AFF2: variants seen among roughly 807,000 people sequenced by gnomAD.
The protein encoded by AFF2 is AF4/FMR2 family member 2.
AFF2 carries 14 observed loss-of-function variants against 76.9 expected under a neutral mutation model. That is an observed-to-expected ratio of 0.18 (90% CI 0.12 to 0.28). The LOEUF is 0.28. AFF2 is among the 10% of genes least tolerant of loss of function. The pLI is 1.00. For missense variants in AFF2, 868 were observed against 1,001.1 expected (o/e 0.87, Z 1.79); for synonymous variants, 398 against 366.7 (o/e 1.09, Z -0.98).
intron 3 of AFF2, among the ~76,000 whole-genome samples, chrX:148,723,918 T>C (rs1301933574): frequency 9.6e-6 from 1 of 104,325 alleles, no homozygotes; most frequent in African/African-American, 3.5e-5. Flanking sequence ...TTTTCTTTTT[T>C]CTTTTTTTTT....
At chrX:148,850,322 C>A (rs181018908) in intron 7 of AFF2, among the ~76,000 whole-genome samples, 108 of 111,964 alleles carry the variant, frequency 9.6e-4, no homozygotes, top group Middle Eastern at 4.6e-3. Flanking sequence ...GGCTTTATAT[C>A]CTCATGGTGA....
intron 9 of AFF2, among the ~76,000 whole-genome samples, chrX:148,933,258 C>T: frequency 8.9e-6 from 1 of 111,912 alleles, no homozygotes; most frequent in Non-Finnish European, 1.9e-5. Flanking sequence ...TCAGCTGAAG[C>T]AGAGTAAGCA....
intron 1 of AFF2, among the ~76,000 whole-genome samples, chrX:148,647,918 T>C (rs1557255724): frequency 8.9e-6 from 1 of 111,835 alleles, no homozygotes; most frequent in African/African-American, 3.3e-5. Flanking sequence ...TGTGCGCTAA[T>C]GAAGACGGCA....
intron 1 of AFF2, among the ~76,000 whole-genome samples, chrX:148,502,472 T>A (rs1344201008): frequency 8.9e-6 from 1 of 112,718 alleles, no homozygotes; most frequent in African/African-American, 3.2e-5. Context: ...TTACAGCAAT[T>A]CCGGATAAAT....
At chrX:148,894,902 T>G (rs1028709521) in intron 8 of AFF2, among the ~76,000 whole-genome samples, 1 of 110,809 alleles carries the variant, frequency 9.0e-6, no homozygotes, top group Admixed American at 9.6e-5. Flanking sequence ...GATAGATATA[T>G]ATATATATAC....
At chrX:148,909,233 G>A (rs1348838462) in intron 9 of AFF2, among the ~76,000 whole-genome samples, 2 of 111,873 alleles carry the variant, frequency 1.8e-5, no homozygotes, top group African/African-American at 6.5e-5. Context: ...CCATTGACAG[G>A]GCATTGATGC....
intron 1 of AFF2, among the ~76,000 whole-genome samples, chrX:148,509,948 C>T (rs1264352509): frequency 1.8e-5 from 2 of 111,316 alleles, no homozygotes; most frequent in Admixed American, 9.5e-5. Context: ...TTCCTCCGTC[C>T]CTCAAACTCC....
chrX:148,951,098 G>A (rs56221017), intron 9 of AFF2, among the ~76,000 whole-genome samples: 8,115 of 110,019 alleles, frequency 0.074, 326 homozygotes, highest in Non-Finnish European at 0.11. Flanking sequence ...AAAAACATCC[G>A]AATACTAAAA....
chrX:148,514,443 C>T (rs1218452743), intron 1 of AFF2, among the ~76,000 whole-genome samples: 2 of 112,434 alleles, frequency 1.8e-5, no homozygotes, highest in African/African-American at 6.5e-5. Flanking sequence ...CGTGTTTGTT[C>T]AAAGCAGTCT....
intron 3 of AFF2, among the ~76,000 whole-genome samples, chrX:148,765,174 C>A (rs1043330507): frequency 8.9e-6 from 1 of 112,038 alleles, no homozygotes; most frequent in African/African-American, 3.2e-5. Context: ...GCATGAGCCA[C>A]CATGCCCGGC....
At position 148,500,914 on chromosome X, in the gene AFF2, G is replaced by A. The variant is rs1386103175; in HGVS notation, c.-184G>A. ...GTGCCACTGCCGCCGCTTCCTCGCC[G>A]GAGCACAGGACCAGACACCTCCAGC... On this transcript the variant is annotated 5_prime_UTR_variant, in exon 1 of 21. Transcript: ENST00000370460. 16 of 480,270 alleles carry A rather than the reference G, an allele frequency of 3.3e-5. No homozygotes were observed. Among genetic ancestry groups the A allele is most frequent in the Non-Finnish European group, 5.1e-5 (16 of 315,131 alleles). 39.6% of individuals were successfully genotyped at this position (480,270 alleles called of 1,213,427 possible). A position where few individuals can be genotyped will look rare whatever the true frequency, so the allele number is the denominator to read the frequency against.
At chrX:148,767,456 A>G (rs1420229990) in intron 3 of AFF2, among the ~76,000 whole-genome samples, 1 of 111,681 alleles carries the variant, frequency 9.0e-6, no homozygotes, top group Non-Finnish European at 1.9e-5. Context: ...ATAGACTCAA[A>G]AGAGCACTTT....
intron 3 of AFF2, among the ~76,000 whole-genome samples, chrX:148,667,621 G>T (rs1557258612): frequency 1.8e-5 from 2 of 111,893 alleles, no homozygotes; most frequent in African/African-American, 6.5e-5. Flanking sequence ...CATTATGGCA[G>T]ACAAGAGAGG....
intron 9 of AFF2, among the ~76,000 whole-genome samples, chrX:148,922,970 A>G (rs1454692339): frequency 8.9e-6 from 1 of 112,042 alleles, no homozygotes; most frequent in Non-Finnish European, 1.9e-5. Context: ...AATTCAGAAC[A>G]GTTTATTGGC....
At position 148,833,609 on chromosome X, in the gene AFF2, A is replaced by T. The variant is rs931449685; in HGVS notation, c.1087-4038A>T. Among the ~76,000 whole-genome samples the T allele has an allele frequency of 3.2e-3, 348 of 109,984 alleles. 4 individuals are homozygous for T. Among genetic ancestry groups the T allele is most frequent in the South Asian group, 6.2e-3 (16 of 2,563 alleles). On this transcript the variant is annotated intron_variant, in intron 4 of 20. Transcript: ENST00000370460. ...AGAGTGAGACGCTGTCTCAAAAAAA[A>T]AAAAAATAAAAAATAAAAAATTAGT...
chrX:148,807,681 A>G (rs782617215), intron 3 of AFF2, among the ~76,000 whole-genome samples: 1 of 112,756 alleles, frequency 8.9e-6, no homozygotes, highest in Non-Finnish European at 1.9e-5. Flanking sequence ...ATACATTTTT[A>G]GCCTAGGCTG....
At chrX:148,687,848 C>T (rs1316226266) in intron 3 of AFF2, among the ~76,000 whole-genome samples, 1 of 110,731 alleles carries the variant, frequency 9.0e-6, no homozygotes, top group African/African-American at 3.3e-5. Context: ...CCGCTTATCC[C>T]CATCTCTTTC....
chrX:148,639,590 C>T (rs2054066888), intron 1 of AFF2, among the ~76,000 whole-genome samples: 1 of 111,633 alleles, frequency 9.0e-6, no homozygotes, highest in African/African-American at 3.3e-5. Context: ...ACATTTGTGC[C>T]AATGGAATTG....
At chrX:148,821,107 G>A (rs2070322810) in intron 4 of AFF2, among the ~76,000 whole-genome samples, 1 of 111,312 alleles carries the variant, frequency 9.0e-6, no homozygotes, top group South Asian at 3.8e-4. Context: ...GGGGGGTGGG[G>A]CATCATGGTT....
Sources: allele counts gnomAD v4.1 joint callset (sites outside exome capture counted in the v4.1 genomes callset), GRCh38; gene constraint gnomAD v4.1.1; transcripts MANE v1.5; gene names NCBI Gene and HGNC (gene_info 2026-07-23, HGNC 2026-07-21).